GOSR2: variants seen among roughly 807,000 people sequenced by gnomAD.
GOSR2 encodes the protein golgi SNAP receptor complex member 2.
GOSR2 carries 20 observed loss-of-function variants against 27.9 expected under a neutral mutation model. That is an observed-to-expected ratio of 0.72 (90% CI 0.50 to 1.04). GOSR2 has a LOEUF of 1.04. GOSR2 is among the 50% of genes least tolerant of loss of function. The pLI, the probability that GOSR2 is intolerant of heterozygous loss-of-function variation, is 0.00. For synonymous variants in GOSR2, 91 were observed against 98.8 expected, an observed-to-expected ratio of 0.92 and a Z score of 0.47; for missense variants, 261 against 270.5, an observed-to-expected ratio of 0.97 and a Z score of 0.25.
chr17:46,924,408 A>G (rs1437950445), intron 1 of GOSR2: 2 of 152,254 alleles, frequency 1.3e-5, no homozygotes, highest in African/African-American at 4.8e-5. Flanking sequence ...GTTGAGAATA[A>G]TACTGCTATG....
At chr17:46,925,221 C>T (rs2086310903) in intron 1 of GOSR2, among the ~76,000 whole-genome samples, 1 of 152,156 alleles carries the variant, frequency 6.6e-6, no homozygotes, top group Non-Finnish European at 1.5e-5. Flanking sequence ...GGAAAACAGC[C>T]ATAGACAATA....
chr17:46,940,370 G>A lies in GOSR2; in HGVS notation c.*1610G>A, dbSNP rs1453230661. 7 of 1,509,560 alleles carry A rather than the reference G, an allele frequency of 4.6e-6. No homozygotes were observed. Among genetic ancestry groups the A allele is most frequent in the Admixed American group, 2.0e-5 (1 of 50,026 alleles). 93.5% of individuals were successfully genotyped at this position (1,509,560 alleles called of 1,614,324 possible). On this transcript the variant is annotated 3_prime_UTR_variant, in exon 6 of 6. Transcript: ENST00000640051. ...TTGGGGCCCTGCCAGAGTTAAAGCA[G>A]TGACTGGAGGGTGGACTGGGGGGTT...
rs1216769357 is a variant in GOSR2 at position 46,938,788 on chromosome 17, A to G, written c.*28A>G. The G allele has an allele frequency of 6.2e-7, 1 of 1,613,286 alleles. No individual in the cohort carries two copies. The highest frequency in any genetic ancestry group is 1.7e-5 in the Admixed American group (1 of 60,008). ...CAGCCACGCTCAGTGGCTGAACAGC[A>G]TTCCCACAGCCTGCAAGTGTGTGTG... On this transcript the variant is annotated 3_prime_UTR_variant, in exon 6 of 6. Transcript: ENST00000640051.
At chr17:46,949,021 C>T (rs1445375926) in intron 6 of GOSR2, 1 of 152,222 alleles carries the variant, frequency 6.6e-6, no homozygotes, top group Non-Finnish European at 1.5e-5. Flanking sequence ...GCATTGTGAT[C>T]CACTGCTGTG....
Position 46,936,767 on chromosome 17 carries a change from G to A in GOSR2, c.477+1598G>A, listed in dbSNP as rs187519905. ...ACTTTAGCAAGAGTCTGATTGTATT[G>A]TCACTATCTCGGGGAAAAAAAAATA... On this transcript the variant is annotated intron_variant, in intron 5 of 5. Transcript: ENST00000640051. 1.8e-5 allele frequency: 18 copies of A among 982,450 alleles called. No homozygotes were observed. The East Asian group carries it at 1.7e-3, about 93-fold the overall frequency. 60.9% of individuals were successfully genotyped at this position (982,450 alleles called of 1,614,324 possible).
intron 6 of GOSR2, chr17:46,955,531 CAAAT>C (rs1249859033): frequency 3.3e-5 from 5 of 152,126 alleles, no homozygotes; most frequent in Non-Finnish European, 7.4e-5. Flanking sequence ...CAACAAGAGT[CAAAT>C]AAAGACTTGA....
chr17:46,926,734 A>T (rs923553415), intron 1 of GOSR2, among the ~76,000 whole-genome samples: 1 of 152,124 alleles, frequency 6.6e-6, no homozygotes, highest in Non-Finnish European at 1.5e-5. Flanking sequence ...TTTCATATTT[A>T]TGTTTTCTTA....
chr17:46,948,370 T>G (rs1196110472), intron 6 of GOSR2, among the ~76,000 whole-genome samples: 1 of 152,234 alleles, frequency 6.6e-6, no homozygotes, highest in African/African-American at 2.4e-5. Context: ...TCTGATCCCT[T>G]CATTCAGCTG....
downstream of GOSR2, among the ~76,000 whole-genome samples, chr17:46,970,573 G>A (rs926273211): frequency 4.7e-5 from 7 of 147,426 alleles, no homozygotes; most frequent in Non-Finnish European, 1.0e-4. Context: ...CAAGACAGCA[G>A]AGGAGAGACG....
At chr17:46,951,517 C>T (rs2090344958) in intron 6 of GOSR2, among the ~76,000 whole-genome samples, 2 of 152,226 alleles carry the variant, frequency 1.3e-5, no homozygotes, top group Admixed American at 6.5e-5. Flanking sequence ...TGCCTTTTAA[C>T]TGGCGTAGCC....
At chr17:46,935,402 T>G (rs961181737) in intron 5 of GOSR2, 1 of 1,432,294 alleles carries the variant, frequency 7.0e-7, no homozygotes, top group African/African-American at 1.4e-5. Flanking sequence ...TCTCTTAGGA[T>G]CCAGGTCTTT....
chr17:46,929,589 GTAAT>G lies in GOSR2; in HGVS notation c.94+9_94+12del. On this transcript the variant is annotated splice_donor_region_variant and intron_variant, in intron 2 of 5. Transcript: ENST00000640051. Reference sequence around the variant, plus strand: ...CAGACAAGCAGTCTGTGCACAGTGAGTAATTAACTGTGGAGACCAGAGTCCTTTC... The same window carrying G: ...CAGACAAGCAGTCTGTGCACAGTGAGTAACTGTGGAGACCAGAGTCCTTTC... 2 of 1,403,912 alleles carry G rather than the reference GTAAT, an allele frequency of 1.4e-6. No individual in the cohort carries two copies. Among genetic ancestry groups the G allele is most frequent in the South Asian group, 2.3e-5 (2 of 86,888 alleles). 87.0% of individuals were successfully genotyped at this position (1,403,912 alleles called of 1,614,324 possible). A position where few individuals can be genotyped will look rare whatever the true frequency, so the allele number is the denominator to read the frequency against.
chr17:46,932,308 A>T, intron 4 of GOSR2, 109 bp downstream of exon 4: 5 of 1,269,128 alleles, frequency 3.9e-6, no homozygotes, highest in Non-Finnish European at 3.4e-6. Flanking sequence ...AAGACTGATG[A>T]TGAGGAAACC....
At chr17:46,947,934 A>G (rs867120201) in intron 6 of GOSR2, among the ~76,000 whole-genome samples, 11 of 151,962 alleles carry the variant, frequency 7.2e-5, no homozygotes, top group Admixed American at 3.3e-4. Flanking sequence ...ACGCCTGGCT[A>G]ATTTTTCGTG....
intron 6 of GOSR2, among the ~76,000 whole-genome samples, chr17:46,951,425 C>T (rs1317843974): frequency 6.6e-6 from 1 of 152,192 alleles, no homozygotes; most frequent in Non-Finnish European, 1.5e-5. Context: ...GGCTCCTCGC[C>T]CAGCTGCCGC....
At chr17:46,934,479 G>A (rs1360829708) in intron 4 of GOSR2, among the ~76,000 whole-genome samples, 1 of 151,976 alleles carries the variant, frequency 6.6e-6, no homozygotes, top group Non-Finnish European at 1.5e-5. Context: ...CTGAGATCGC[G>A]CCACTGCACT....
Position 46,939,812 on chromosome 17 carries a change from A to C in GOSR2, c.*1052A>C, listed in dbSNP as rs2089006318. On this transcript the variant is annotated 3_prime_UTR_variant, in exon 6 of 6. Coordinates refer to ENST00000640051, the MANE Select transcript of GOSR2 (RefSeq NM_004287.5). ...ACCAGCCCCGGATTCAGGCTGTACTAATACCAGGTATATTGTGGAATTTAG... is the reference window on the plus strand; with the variant it reads ...ACCAGCCCCGGATTCAGGCTGTACTCATACCAGGTATATTGTGGAATTTAG... The C allele has an allele frequency of 2.0e-6, 2 of 988,148 alleles. No individual in the cohort carries two copies. The highest frequency in any genetic ancestry group is 2.4e-6 in the Non-Finnish European group (2 of 831,262). 61.2% of individuals were successfully genotyped at this position (988,148 alleles called of 1,614,324 possible).
At chr17:46,973,981 C>T (rs1192322624) in intron 6 of GOSR2, among the ~76,000 whole-genome samples, 1 of 152,184 alleles carries the variant, frequency 6.6e-6, no homozygotes, top group African/African-American at 2.4e-5. Context: ...GGGAGGGCGA[C>T]CCCCAGCAGC....
intron 5 of GOSR2, chr17:46,936,413 C>T: frequency 1.0e-6 from 1 of 985,396 alleles, no homozygotes; most frequent in Non-Finnish European, 1.2e-6. Context: ...ACACTGATAC[C>T]AGAGGGGAAG....
Sources: gnomAD v4.1 joint callset for allele counts (sites outside exome capture counted in the v4.1 genomes callset) on GRCh38, gnomAD v4.1.1 for gene constraint, MANE v1.5 for transcripts, NCBI Gene and HGNC (gene_info 2026-07-23, HGNC 2026-07-21) for gene names.